ADAMTS13: variants seen among roughly 807,000 people sequenced by gnomAD.
The protein encoded by ADAMTS13 is ADAM metallopeptidase with thrombospondin type 1 motif 13, also known as A disintegrin and metalloproteinase with thrombospondin motifs 13.
In ADAMTS13, 110 loss-of-function variants were observed where a neutral mutation model predicts 155.1. The observed-to-expected ratio is 0.71, with a 90% confidence interval of 0.61 to 0.83. The LOEUF (loss-of-function observed/expected upper bound fraction) is 0.83. Ranked by LOEUF, ADAMTS13 falls within the 40% of genes least tolerant of loss-of-function variation. The pLI is 0.00. For missense variants in ADAMTS13, 1,707 were observed against 1,891.7 expected (o/e 0.90, Z 1.81); for synonymous variants, 758 against 756.4 (o/e 1.00, Z -0.03).
At position 133,455,544 on chromosome 9, in the gene ADAMTS13, C is replaced by A. The variant is rs373910725; in HGVS notation, c.3400+109C>A. 4.3e-6 allele frequency: 7 copies of A among 1,610,030 alleles called. No individual in the cohort carries two copies. The highest frequency in any genetic ancestry group is 5.9e-6 in the Non-Finnish European group (7 of 1,179,970). ...TCCCAGGCCCGGGGCCTGCTCTTCT[C>A]CCCGGCTCCCCAGCCTCGGCGGCTC... is the stretch of plus-strand genomic sequence containing the variant. On this transcript the variant is annotated intron_variant, in intron 25 of 28. Coordinates refer to ENST00000355699, the MANE Select transcript of ADAMTS13 (RefSeq NM_139027.6).
intron 6 of ADAMTS13, among the ~76,000 whole-genome samples, chr9:133,428,419 C>T (rs1166548898): frequency 6.6e-6 from 1 of 152,212 alleles, no homozygotes; most frequent in Admixed American, 6.5e-5. Flanking sequence ...TGGGCTAGCG[C>T]TCCCTTCTGG....
In ADAMTS13 at chr9:133,449,850, T is replaced by C; in HGVS notation, c.2929T>C (p.Cys977Arg). The C allele has an allele frequency of 1.2e-6, 2 of 1,614,040 alleles. No individual in the cohort carries two copies. Among genetic ancestry groups the C allele is most frequent in the Non-Finnish European group, 1.7e-6 (2 of 1,179,984 alleles). ...GRGVVRRILYCARAHGEDDGE... is the reference protein window; with the variant it reads ...GRGVVRRILYRARAHGEDDGE... ...AGGGGTCGTGCGGAGGATCCTGTAT[T>C]GTGCCCGGGCCCATGGGGAGGACGA... Residue 977 changes from cysteine to arginine, a missense_variant, in exon 23 of 29, where the codon TGT (cysteine) becomes CGT (arginine). By Grantham distance (180) the Cys-to-Arg change is radical (BLOSUM62 -3). This residue lies in a region of ADAMTS13 where 961 missense variants were observed against 1,107.9 expected (regional missense o/e 0.87). Coordinates refer to ENST00000355699, the MANE Select transcript of ADAMTS13 (RefSeq NM_139027.6).
chr9:133,417,179 T>A (rs1002330166), upstream of ADAMTS13, among the ~76,000 whole-genome samples: 6 of 152,160 alleles, frequency 3.9e-5, no homozygotes, highest in Non-Finnish European at 8.8e-5. Flanking sequence ...GCCCGGCTAA[T>A]ATTTTTTGTA....
Position 133,424,335 on chromosome 9 carries a change from C to T in ADAMTS13, c.187C>T (p.Pro63Ser), listed in dbSNP as rs1554784549. Reference protein sequence around the residue: ...GAPLKGRPPSPGFQRQRQRQR... With the variant: ...GAPLKGRPPSSGFQRQRQRQR... Reference sequence around the variant, plus strand: ...TCCCCCTCCAGGCCGCCCTCCTTCCCCTGGCTTCCAGAGGCAGAGGCAGAG... The same window carrying T: ...TCCCCCTCCAGGCCGCCCTCCTTCCTCTGGCTTCCAGAGGCAGAGGCAGAG... The change falls in exon 3 of 29, where the codon CCT becomes TCT. Residue 63 changes from proline (P) to serine (S), a missense_variant. Around this residue, in one of 3 missense-constraint regions of ADAMTS13, gnomAD observed 733 missense variants for 749.6 expected, o/e 0.98. Coordinates refer to ENST00000355699, the MANE Select transcript of ADAMTS13 (RefSeq NM_139027.6). The surrounding 1 kb of genome is among the most constrained non-coding windows in gnomAD (Gnocchi z 4.3). 6.2e-7 allele frequency: 1 copy of T among 1,612,942 alleles called. No homozygotes were observed. The highest frequency in any genetic ancestry group is 1.3e-5 in the African/African-American group (1 of 74,894).
Position 133,456,631 on chromosome 9 carries a change from G to C in ADAMTS13, c.3636G>C (p.Thr1212=). 1 of 1,611,700 alleles carries C rather than the reference G, an allele frequency of 6.2e-7. No homozygotes were observed. The highest frequency in any genetic ancestry group is 2.2e-5 in the East Asian group (1 of 44,842). Reference sequence around the variant, plus strand: ...TGACTTTCAGCTCCAAGACCAACACGCTGGTGGTGAGGCAGCGCTGCGGGC... The same window carrying C: ...TGACTTTCAGCTCCAAGACCAACACCCTGGTGGTGAGGCAGCGCTGCGGGC... ...LDMTFSSKTN[T]LVVRQRCGRP... is the part of the protein sequence containing the mutation. Residue 1212 remains threonine, a synonymous_variant, in exon 27 of 29, where the codon ACG becomes ACC. Coordinates refer to ENST00000355699, the MANE Select transcript of ADAMTS13 (RefSeq NM_139027.6). This position sits in a 1 kb window ranked among gnomAD's most constrained non-coding sequence, Gnocchi z 4.4.
Position 133,425,385 on chromosome 9 carries a change from C to G in ADAMTS13, c.331-144C>G, listed in dbSNP as rs1840211201. 1.5e-6 allele frequency: 1 copy of G among 660,732 alleles called. No homozygotes were observed. Among genetic ancestry groups the G allele is most frequent in the Non-Finnish European group, 2.6e-6 (1 of 382,902 alleles). The allele number at this position is 660,732 out of a possible 1,614,324, so 40.9% of individuals were successfully genotyped here. A position where few individuals can be genotyped will look rare whatever the true frequency, so the allele number is the denominator to read the frequency against. ...CTGACTGTGCAGCACATTTTAGGAG[C>G]CCCCCGCCCCGCCCGGTTCCCACAC... On this transcript the variant is annotated intron_variant, in intron 3 of 28. Coordinates refer to ENST00000355699, the MANE Select transcript of ADAMTS13 (RefSeq NM_139027.6). The surrounding 1 kb of genome is among the most constrained non-coding windows in gnomAD (Gnocchi z 4.6).
Position 133,448,727 on chromosome 9 carries a change from C to A in ADAMTS13, c.2860C>A (p.Arg954=). The A allele has an allele frequency of 6.2e-7, 1 of 1,600,408 alleles. No homozygotes were observed. The highest frequency in any genetic ancestry group is 1.1e-5 in the South Asian group (1 of 90,888). ...EVCQAVPCPA[R]WQYKLAACSV... is the part of the protein sequence containing the mutation. ...CTGCCAGGCTGTCCCGTGCCCTGCT[C>A]GGTGAGTGAGGGGAGCAAGACTGTG... The change falls in exon 22 of 29, where the codon CGG becomes AGG. Residue 954 remains arginine, a splice_region_variant and synonymous_variant. Transcript: ENST00000355699.
chr9:133,431,043 G>A lies in ADAMTS13; in HGVS notation c.987+942G>A, dbSNP rs192627321. Among the ~76,000 whole-genome samples, 92 of 151,880 alleles carry A rather than the reference G, an allele frequency of 6.1e-4. 2 individuals carry two copies. Among genetic ancestry groups the A allele is most frequent in the African/African-American group, 2.1e-3 (88 of 41,402 alleles). On this transcript the variant is annotated intron_variant, in intron 8 of 28. Transcript: ENST00000355699. ...TGCAGTAGCACAATCATAGCTCACT[G>A]TTGCCTCAACTTCTTGGGCACAAAC...
chr9:133,429,771 C>T (rs1554786540), intron 7 of ADAMTS13, 168 bp from the exon 8 acceptor site: 9 of 946,076 alleles, frequency 9.5e-6, no homozygotes, highest in Non-Finnish European at 1.5e-5. Context: ...AGTCTTGGTC[C>T]CAGCCAAGAG....
chr9:133,456,880 A>G lies in ADAMTS13; in HGVS notation c.3724+161A>G. The G allele has an allele frequency of 3.3e-6, 3 of 916,122 alleles. No homozygotes were observed. Among genetic ancestry groups the G allele is most frequent in the East Asian group, 2.6e-5 (1 of 38,116 alleles). The allele number at this position is 916,122 out of a possible 1,614,324, so 56.7% of individuals were successfully genotyped here. On this transcript the variant is annotated intron_variant, in intron 27 of 28. Transcript: ENST00000355699. This position sits in a 1 kb window ranked among gnomAD's most constrained non-coding sequence, Gnocchi z 4.4. ...CTGGGGTTGGCCAGTGTCAGTCTGC[A>G]CGTGCCAGGGAGGGGTCACAGGATG...
rs933646874 is a variant in ADAMTS13 at position 133,425,828 on chromosome 9, C to G, written c.415-110C>G. 1.3e-6 allele frequency: 2 copies of G among 1,539,370 alleles called. No homozygotes were observed. Among genetic ancestry groups the G allele is most frequent in the African/African-American group, 2.7e-5 (2 of 73,312 alleles). On this transcript the variant is annotated intron_variant, in intron 4 of 28. Transcript: ENST00000355699. The surrounding 1 kb of genome is among the most constrained non-coding windows in gnomAD (Gnocchi z 4.6). ...AGCCTCAGTTGTCTCATCCCTAACA[C>G]GGGCTAGTCATAGGGTTGTTAGGAG...
At chr9:133,448,348 C>A (rs1268917450) in intron 21 of ADAMTS13, among the ~76,000 whole-genome samples, 2 of 152,156 alleles carry the variant, frequency 1.3e-5, no homozygotes, top group African/African-American at 4.8e-5. Context: ...CTACTGTGTG[C>A]CAGGCACTTG....
upstream of ADAMTS13, among the ~76,000 whole-genome samples, chr9:133,417,243 T>C (rs1478254230): frequency 1.3e-5 from 2 of 152,216 alleles, no homozygotes; most frequent in East Asian, 1.9e-4. Context: ...TCTTGAACTC[T>C]TGACCTCAGG....
At chr9:133,443,645 C>T (rs1841853700) in intron 19 of ADAMTS13, 84 bp downstream of exon 19, 5 of 1,413,948 alleles carry the variant, frequency 3.5e-6, no homozygotes. Context: ...TTCTGAGAAT[C>T]CCCTCCTCCT....
chr9:133,422,205 G>C, upstream of ADAMTS13: 1 of 596,432 alleles, frequency 1.7e-6, no homozygotes, highest in South Asian at 2.0e-5. Context: ...GCAGGACTGG[G>C]CTGCAGGTTA....
chr9:133,434,992 A>G (rs1841068807), intron 11 of ADAMTS13, among the ~76,000 whole-genome samples: 1 of 152,056 alleles, frequency 6.6e-6, no homozygotes, highest in Admixed American at 6.5e-5. Flanking sequence ...ATCATATTCC[A>G]CTGCAGGGAT....
At chr9:133,447,469 C>G (rs1467728138) in intron 21 of ADAMTS13, among the ~76,000 whole-genome samples, 3 of 152,138 alleles carry the variant, frequency 2.0e-5, no homozygotes, top group Non-Finnish European at 4.4e-5. Context: ...GATGGGATCT[C>G]CCTATGTTGC....
chr9:133,442,467 G>T lies in ADAMTS13; in HGVS notation c.2037G>T (p.Gln679His), dbSNP rs1554791084. The change falls in exon 17 of 29, where the codon CAG becomes CAT. Residue 679 changes from glutamine (Q) to histidine (H), a missense_variant. This residue lies in a region of ADAMTS13 where 961 missense variants were observed against 1,107.9 expected (regional missense o/e 0.87). Coordinates refer to ENST00000355699, the MANE Select transcript of ADAMTS13 (RefSeq NM_139027.6). ...TRPDITFTYF[Q>H]PKPRQAWVWA... ...CAGACATCACCTTCACCTACTTCCA[G>T]CCTAAGCCACGGCAGGCCTGGGTGT... 6.2e-7 allele frequency: 1 copy of T among 1,613,866 alleles called. No homozygotes were observed. Among genetic ancestry groups the T allele is most frequent in the East Asian group, 2.2e-5 (1 of 44,884 alleles).
intron 21 of ADAMTS13, among the ~76,000 whole-genome samples, chr9:133,446,170 T>C (rs1216412433): frequency 6.6e-6 from 1 of 152,236 alleles, no homozygotes; most frequent in African/African-American, 2.4e-5. Flanking sequence ...TCTTGTTTTA[T>C]TGCAGTATAA....
Sources: allele counts gnomAD v4.1 joint callset (sites outside exome capture counted in the v4.1 genomes callset), GRCh38; gene constraint gnomAD v4.1.1; regional missense constraint gnomAD v4.1.1; non-coding constraint Gnocchi (gnomAD v3.1); transcripts MANE v1.5; gene names NCBI Gene and HGNC (gene_info 2026-07-23, HGNC 2026-07-21).